The following GTPBP10 variants were observed in gnomAD, a reference collection of about 807,000 sequenced individuals.
The protein encoded by GTPBP10 is GTP binding protein 10.
Under a neutral mutation model 44.8 loss-of-function variants are expected in GTPBP10, and 38 were observed. That is an observed-to-expected ratio of 0.85 (90% CI 0.65 to 1.11). The LOEUF is 1.11. Among genes scored for constraint, GTPBP10 ranks in the 50% most tolerant of loss-of-function variants. GTPBP10 has a pLI of 0.00. For missense variants in GTPBP10, 462 were observed against 453.7 expected (o/e 1.02, Z -0.17); for synonymous variants, 152 against 150.6 (o/e 1.01, Z -0.07).
At chr7:90,380,192 C>G (rs765466839) in intron 8 of GTPBP10, among the ~76,000 whole-genome samples, 2 of 151,482 alleles carry the variant, frequency 1.3e-5, no homozygotes, top group Non-Finnish European at 2.9e-5. Context: ...GATTCTCCAG[C>G]CTCAGCCTCC....
intron 6 of GTPBP10, among the ~76,000 whole-genome samples, chr7:90,375,224 G>A (rs963304163): frequency 9.2e-5 from 14 of 152,060 alleles, no homozygotes; most frequent in Admixed American, 5.9e-4. Context: ...TGATTTCCAG[G>A]GTTAGGGAGG....
chr7:90,377,367 A>G, intron 6 of GTPBP10, 140 bp from the exon 7 acceptor site: 2 of 524,128 alleles, frequency 3.8e-6, no homozygotes, highest in East Asian at 5.9e-5. Flanking sequence ...TTACTCTTAT[A>G]CTTGGCTTTT....
chr7:90,374,003 T>C (rs1429155172), intron 5 of GTPBP10, among the ~76,000 whole-genome samples: 1 of 152,114 alleles, frequency 6.6e-6, no homozygotes. Flanking sequence ...CATGTCTGCC[T>C]AGTTTTACAT....
At chr7:90,378,024 A>G in intron 7 of GTPBP10, 110 bp from the exon 8 acceptor site, 1 of 1,313,066 alleles carries the variant, frequency 7.6e-7, no homozygotes, top group Non-Finnish European at 1.0e-6. Flanking sequence ...TAACAAGTAG[A>G]GTATAGAGAA....
intron 1 of GTPBP10, among the ~76,000 whole-genome samples, chr7:90,351,151 T>C (rs1375034055): frequency 5.9e-5 from 9 of 152,252 alleles, no homozygotes; most frequent in Admixed American, 5.9e-4. Context: ...TATTCCACGA[T>C]GTACTACAGT....
chr7:90,378,044 AG>A, intron 7 of GTPBP10, 89 bp from the exon 8 acceptor site: 1 of 1,424,292 alleles, frequency 7.0e-7, no homozygotes, highest in Non-Finnish European at 9.5e-7. Flanking sequence ...AATTGTTTTT[AG>A]CTTGAGAGAG....
Position 90,346,722 on chromosome 7 carries a change from T to C in GTPBP10, c.-20T>C. The C allele has an allele frequency of 2.5e-6, 4 of 1,614,182 alleles. No homozygotes were observed. The highest frequency in any genetic ancestry group is 3.4e-6 in the Non-Finnish European group (4 of 1,179,994). ...GGCTTGTGCCGCTTCCGCAAGAAGG[T>C]TTCCTGGCCTGTTGCAGCCATGGTG... On this transcript the variant is annotated 5_prime_UTR_variant, in exon 1 of 10. Transcript: ENST00000222511.
intron 4 of GTPBP10, among the ~76,000 whole-genome samples, chr7:90,365,898 G>A (rs1358030444): frequency 5.9e-5 from 9 of 152,208 alleles, no homozygotes; most frequent in Admixed American, 5.9e-4. Context: ...TTGGCTGTGG[G>A]TTTGTCATAA....
At position 90,389,200 on chromosome 7, in the gene GTPBP10, TC is replaced by T. The variant is rs1226294827; in HGVS notation, c.*4047del. 6.6e-6 allele frequency: 1 copy of T among 152,204 alleles called. No individual in the cohort carries two copies. The highest frequency in any genetic ancestry group is 1.5e-5 in the Non-Finnish European group (1 of 68,044). 9.4% of individuals were successfully genotyped at this position (152,204 alleles called of 1,614,324 possible). A position where few individuals can be genotyped will look rare whatever the true frequency, so the allele number is the denominator to read the frequency against. On this transcript the variant is annotated 3_prime_UTR_variant, in exon 10 of 10. Transcript: ENST00000222511. ...CCAGAAATCTTGTTCGAGTACATGG[TC>T]TGTGCTAGTAATCATATCTAAAGTG...
chr7:90,352,641 GA>G (rs1795811603), intron 1 of GTPBP10, among the ~76,000 whole-genome samples, 174 bp from the exon 2 acceptor site: 1 of 152,192 alleles, frequency 6.6e-6, no homozygotes, highest in Admixed American at 6.5e-5. Context: ...AATCAAATGG[GA>G]AAGGGGGTCA....
At chr7:90,379,269 T>C (rs1796395960) in intron 8 of GTPBP10, among the ~76,000 whole-genome samples, 1 of 152,170 alleles carries the variant, frequency 6.6e-6, no homozygotes, top group Admixed American at 6.6e-5. Context: ...ATTGGAATAT[T>C]GAATCTGGTC....
At chr7:90,361,841 T>A (rs1411247498) in intron 4 of GTPBP10, among the ~76,000 whole-genome samples, 2 of 152,222 alleles carry the variant, frequency 1.3e-5, no homozygotes, top group African/African-American at 4.8e-5. Context: ...ATGCAACTTC[T>A]TCCTGGTTTA....
intron 4 of GTPBP10, among the ~76,000 whole-genome samples, chr7:90,367,939 T>C (rs1169110884): frequency 6.6e-6 from 1 of 152,236 alleles, no homozygotes; most frequent in African/African-American, 2.4e-5. Flanking sequence ...TTTCCATGTT[T>C]AGTGCTTCCT....
In GTPBP10 at chr7:90,385,714, C is replaced by T. The variant is rs1796513762; in HGVS notation, c.*560C>T. The T allele has an allele frequency of 6.6e-6, 1 of 151,258 alleles. No homozygotes were observed. The highest frequency in any genetic ancestry group is 6.6e-5 in the Admixed American group (1 of 15,192). 9.4% of individuals were successfully genotyped at this position (151,258 alleles called of 1,614,324 possible). ...GATATATGTGTCATTATTGAAGAAC[C>T]ATACCTTTTAAAGTTATTATTTTGT... On this transcript the variant is annotated 3_prime_UTR_variant, in exon 10 of 10. Transcript: ENST00000222511.
intron 4 of GTPBP10, among the ~76,000 whole-genome samples, chr7:90,367,971 G>A (rs1205948489): frequency 6.6e-6 from 1 of 152,146 alleles, no homozygotes; most frequent in East Asian, 1.9e-4. Context: ...TGTAAGGCAG[G>A]CCTGGTGTTG....
chr7:90,376,658 G>A (rs1336640943), intron 6 of GTPBP10, among the ~76,000 whole-genome samples: 1 of 152,146 alleles, frequency 6.6e-6, no homozygotes, highest in Non-Finnish European at 1.5e-5. Context: ...ATGTAGTAAA[G>A]TCTCTTAAAA....
chr7:90,371,237 T>A (rs117359937), intron 4 of GTPBP10: 35,822 of 931,168 alleles, frequency 0.038, 743 homozygotes, highest in Middle Eastern at 0.047. Flanking sequence ...ATACACATTT[T>A]TTACAATGTT....
rs1796543939 is a variant in GTPBP10, at chr7:90,387,461, T to C, written c.*2307T>C. The C allele has an allele frequency of 6.6e-6, 1 of 152,216 alleles. No homozygotes were observed. Among genetic ancestry groups the C allele is most frequent in the African/African-American group, 2.4e-5 (1 of 41,466 alleles). The allele number at this position is 152,216 out of a possible 1,614,324, so 9.4% of individuals were successfully genotyped here. ...TGGCTGTTCACCCTTTGGTAAAGTA[T>C]TAAAGAAAAATAATGCATTGTTCTC... is the stretch of plus-strand genomic sequence containing the variant. On this transcript the variant is annotated 3_prime_UTR_variant, in exon 10 of 10. Coordinates refer to ENST00000222511, the MANE Select transcript of GTPBP10 (RefSeq NM_033107.4).
At chr7:90,377,757 T>A (rs1171369249) in intron 7 of GTPBP10, 143 bp downstream of exon 7, 1 of 620,036 alleles carries the variant, frequency 1.6e-6, no homozygotes, top group East Asian at 2.9e-5. Flanking sequence ...GGAAGTGACA[T>A]TGTTTACTAT....
Sources: allele counts gnomAD v4.1 joint callset (sites outside exome capture counted in the v4.1 genomes callset), GRCh38; gene constraint gnomAD v4.1.1; transcripts MANE v1.5; gene names NCBI Gene and HGNC (gene_info 2026-07-23, HGNC 2026-07-21).